Variants in MBD1 observed in about 807,000 individuals in gnomAD.
The protein encoded by MBD1 is methyl-CpG binding domain protein 1, also known as methyl-CpG-binding domain protein 1.
MBD1 carries 25 observed loss-of-function variants against 82.6 expected under a neutral mutation model. The ratio of observed to expected loss-of-function variants is 0.30; its 90% CI spans 0.22 to 0.42. MBD1 has a LOEUF of 0.42. Ranked by LOEUF, MBD1 falls within the 10% of genes least tolerant of loss-of-function variation. MBD1 has a pLI of 1.00. For missense variants in MBD1, 627 were observed against 819.6 expected (o/e 0.76, Z 2.87); for synonymous variants, 301 against 303.7 (o/e 0.99, Z 0.09).
intron 13 of MBD1, 56 bp from the exon 14 acceptor site, chr18:50,273,011 G>A (rs1196908864): frequency 6.8e-6 from 11 of 1,607,328 alleles, no homozygotes; most frequent in Non-Finnish European, 8.5e-6. Context: ...CCTGAGGAAA[G>A]TCTCTATCAG....
chr18:50,270,188 G>C lies in MBD1; in HGVS notation c.*33-370C>G, dbSNP rs774976297. 26 of 1,588,420 alleles carry C rather than the reference G, an allele frequency of 1.6e-5. 1 individual carries two copies. The highest frequency in any genetic ancestry group is 8.5e-7 in the Non-Finnish European group (1 of 1,171,152). ...TGGGGAAGGTGGCAGAGGCTGGACTGTATGAGACAGAACTGGGAAATGGCT... is the reference window on the plus strand; with the variant it reads ...TGGGGAAGGTGGCAGAGGCTGGACTCTATGAGACAGAACTGGGAAATGGCT... On this transcript the variant is annotated intron_variant, in intron 16 of 16. Coordinates refer to ENST00000269468, the MANE Select transcript of MBD1 (RefSeq NM_015846.4).
At chr18:50,277,541 C>A (rs567166307) in intron 2 of MBD1, among the ~76,000 whole-genome samples, 1 of 147,282 alleles carries the variant, frequency 6.8e-6, no homozygotes, top group Non-Finnish European at 1.5e-5. Flanking sequence ...ACAAATATAA[C>A]ATATAAATGT....
At chr18:50,275,805 C>T (rs1280898176) in intron 7 of MBD1, 30 bp downstream of exon 7, 1 of 1,614,152 alleles carries the variant, frequency 6.2e-7, no homozygotes, top group Non-Finnish European at 8.5e-7. Context: ...CCGAGGTGAG[C>T]CTTGGGCTCT....
At chr18:50,271,232 C>T (rs1568187969) in intron 16 of MBD1, 1 of 1,373,400 alleles carries the variant, frequency 7.3e-7, no homozygotes, top group African/African-American at 1.5e-5. Context: ...CCCTTAAAAT[C>T]CAACTTCTTA....
rs769115388 is a variant in MBD1 at position 50,273,799 on chromosome 18, C to T, written c.1211G>A (p.Arg404His). The change falls in exon 12 of 17, where the codon CGT becomes CAT. Residue 404 changes from arginine to histidine, a missense_variant. Physicochemically the swap from Arg to His is conservative, Grantham distance 29. Transcript: ENST00000269468. ...GGCAGAGCTGGGCCTCTTTCGACGA[C>T]GGTAAGGTGGGGGCGATCCTGCCCC... ...EDGAGSPPPYRRRKRPSSARR... is the reference protein window; with the variant it reads ...EDGAGSPPPYHRRKRPSSARR... 61 of 1,613,784 alleles carry T rather than the reference C, an allele frequency of 3.8e-5. No individual in the cohort carries two copies. Among genetic ancestry groups the T allele is most frequent in the East Asian group, 6.7e-5 (3 of 44,902 alleles).
At position 50,276,652 on chromosome 18, in the gene MBD1, G is replaced by A; in HGVS notation, c.475+10C>T. 2 of 1,614,064 alleles carry A rather than the reference G, an allele frequency of 1.2e-6. No homozygotes were observed. Among genetic ancestry groups the A allele is most frequent in the East Asian group, 2.2e-5 (1 of 44,880 alleles). Reference sequence around the variant, plus strand: ...ATCTCCCGATGCCCCATCCTCTGGAGGCCACTCACCTCGACAGTCTTTGCA... The same window carrying A: ...ATCTCCCGATGCCCCATCCTCTGGAAGCCACTCACCTCGACAGTCTTTGCA... On this transcript the variant is annotated intron_variant, in intron 5 of 16. Transcript: ENST00000269468.
At chr18:50,278,142 G>A (rs111843047) in intron 2 of MBD1, among the ~76,000 whole-genome samples, 2,518 of 152,320 alleles carry the variant, frequency 0.017, 30 homozygotes, top group Non-Finnish European at 0.026. Flanking sequence ...TATGGATACG[G>A]ATATGGACAA....
intron 16 of MBD1, chr18:50,271,210 C>T: frequency 1.5e-6 from 2 of 1,334,456 alleles, no homozygotes; most frequent in Non-Finnish European, 1.9e-6. Context: ...TTTCTCCAAC[C>T]CAGCTCCCCC....
chr18:50,275,066 G>T (rs748384851), intron 9 of MBD1, 21 bp from the exon 10 acceptor site: 1 of 1,613,774 alleles, frequency 6.2e-7, no homozygotes, highest in Non-Finnish European at 8.5e-7. Flanking sequence ...AAATGGGGTG[G>T]GGTCAGGGCA....
chr18:50,281,005 C>T (rs2040032673), intron 1 of MBD1, among the ~76,000 whole-genome samples: 1 of 152,096 alleles, frequency 6.6e-6, no homozygotes, highest in African/African-American at 2.4e-5. Context: ...TCCAAAGCCT[C>T]TATTTCTCCT....
intron 13 of MBD1, 62 bp downstream of exon 13, chr18:50,273,272 C>G (rs2036387523): frequency 1.2e-6 from 2 of 1,603,236 alleles, no homozygotes; most frequent in Non-Finnish European, 1.7e-6. Context: ...CATGGCTCAT[C>G]ATCACTCTGC....
At chr18:50,275,311 C>A (rs1296554333) in intron 8 of MBD1, 66 bp from the exon 9 acceptor site, 2 of 1,611,034 alleles carry the variant, frequency 1.2e-6, no homozygotes, top group African/African-American at 2.7e-5. Context: ...ACTCCCCACA[C>A]CCTAAGTGCA....
chr18:50,270,319 G>A, intron 16 of MBD1: 1 of 740,824 alleles, frequency 1.3e-6, no homozygotes, highest in South Asian at 1.4e-5. Flanking sequence ...TCCTGGCCCT[G>A]TAAAGCTGGC....
rs201327689 is a variant in MBD1, at chr18:50,276,874, T to C, written c.350A>G (p.Lys117Arg). 1.2e-6 allele frequency: 2 copies of C among 1,614,234 alleles called. No individual in the cohort carries two copies. Among genetic ancestry groups the C allele is most frequent in the African/African-American group, 1.3e-5 (1 of 75,068 alleles). The change falls in exon 4 of 17, where the codon AAG becomes AGG. Residue 117 changes from lysine (K) to arginine (R), a missense_variant. Lys to Arg is a conservative substitution (Grantham distance 26). This residue lies in a region of MBD1 where 75 missense variants were observed against 74.7 expected (regional missense o/e 1.00). Coordinates refer to ENST00000269468, the MANE Select transcript of MBD1 (RefSeq NM_015846.4). Reference sequence around the variant, plus strand: ...AGCTGGGGCTGTGTCAGTGTCAGCCTTGGTCTCATCCCTCGGGGCCTCCTT... The same window carrying C: ...AGCTGGGGCTGTGTCAGTGTCAGCCCTGGTCTCATCCCTCGGGGCCTCCTT... ...VRKEAPRDET[K>R]ADTDTAPASF...
intron 14 of MBD1, 40 bp downstream of exon 14, chr18:50,272,784 C>T (rs1414710223): frequency 1.2e-6 from 2 of 1,614,266 alleles, no homozygotes; most frequent in South Asian, 2.2e-5. Context: ...GTTGGGGCTA[C>T]AGCAGGGTCA....
chr18:50,281,245 A>G, intron 1 of MBD1, 118 bp downstream of exon 1: 5 of 1,529,716 alleles, frequency 3.3e-6, no homozygotes, highest in Non-Finnish European at 4.4e-6. Flanking sequence ...CGACGCCGCC[A>G]TTCCTCCCCC....
At chr18:50,276,260 G>A (rs965334816) in intron 6 of MBD1, 118 bp downstream of exon 6, 2 of 1,076,354 alleles carry the variant, frequency 1.9e-6, no homozygotes, top group Admixed American at 2.0e-5. Context: ...CCTATGGAGA[G>A]CACCCTATAA....
chr18:50,271,772 G>A (rs1253076254), intron 15 of MBD1, among the ~76,000 whole-genome samples: 1 of 152,128 alleles, frequency 6.6e-6, no homozygotes, highest in African/African-American at 2.4e-5. Flanking sequence ...GCTTTGCAGG[G>A]CTCATTGTCC....
In MBD1 at chr18:50,273,874, A is replaced by G; in HGVS notation, c.1147-11T>C. On this transcript the variant is annotated splice_polypyrimidine_tract_variant and intron_variant, in intron 11 of 16. Transcript: ENST00000269468. ...GGGCAGCAGCCGCTTCTATGGGGAA[A>G]GATAGGGTGCTATGGCTACCTGGTG... 2 of 1,611,290 alleles carry G rather than the reference A, an allele frequency of 1.2e-6. No individual in the cohort carries two copies. The highest frequency in any genetic ancestry group is 8.5e-7 in the Non-Finnish European group (1 of 1,179,922).
Sources: allele counts gnomAD v4.1 joint callset (sites outside exome capture counted in the v4.1 genomes callset), GRCh38; gene constraint gnomAD v4.1.1; regional missense constraint gnomAD v4.1.1; transcripts MANE v1.5; gene names NCBI Gene and HGNC (gene_info 2026-07-23, HGNC 2026-07-21).